Variants in ZMIZ1 observed in about 807,000 individuals in gnomAD.
The protein encoded by ZMIZ1 is zinc finger MIZ domain-containing protein 1.
In ZMIZ1, 17 loss-of-function variants were observed where a neutral mutation model predicts 113.9. The observed-to-expected ratio is 0.15, with a 90% CI of 0.10 to 0.22. The LOEUF is 0.22. Ranked by LOEUF, ZMIZ1 falls within the 10% of genes least tolerant of loss-of-function variation. ZMIZ1 has a pLI of 1.00. For synonymous variants in ZMIZ1, 607 were observed against 603.1 expected, an observed-to-expected ratio of 1.01 and a Z score of -0.09; for missense variants, 1,059 against 1,477.8, an observed-to-expected ratio of 0.72 and a Z score of 4.65.
At chr10:79,080,654 C>T (rs915297838) in intron 1 of ZMIZ1, among the ~76,000 whole-genome samples, 1 of 152,142 alleles carries the variant, frequency 6.6e-6, no homozygotes, top group Non-Finnish European at 1.5e-5. Context: ...GGCTGTGAAG[C>T]TGTGAGTTTG....
At chr10:79,308,258 C>T (rs1481431426) in intron 23 of ZMIZ1, among the ~76,000 whole-genome samples, 2 of 152,186 alleles carry the variant, frequency 1.3e-5, no homozygotes, top group East Asian at 1.9e-4. Flanking sequence ...CTGTGCTCTG[C>T]GCAGGCCATG....
At chr10:79,147,484 G>C (rs1432658835) in intron 3 of ZMIZ1, among the ~76,000 whole-genome samples, 1 of 152,188 alleles carries the variant, frequency 6.6e-6, no homozygotes, top group Non-Finnish European at 1.5e-5. Flanking sequence ...GGCCTCCCGT[G>C]TGCATCCATC....
intron 4 of ZMIZ1, among the ~76,000 whole-genome samples, chr10:79,171,990 C>T (rs1281935461): frequency 6.6e-6 from 1 of 152,186 alleles, no homozygotes. Context: ...AGTAGGCACT[C>T]AATAAATGCT....
intron 7 of ZMIZ1, among the ~76,000 whole-genome samples, chr10:79,274,889 C>A (rs111898366): frequency 0.021 from 3,183 of 152,306 alleles, 50 homozygotes; most frequent in South Asian, 0.054. Flanking sequence ...TGGAGGAAAG[C>A]CCTGATTCCC....
chr10:79,203,988 A>G (rs1290950498), intron 5 of ZMIZ1, among the ~76,000 whole-genome samples: 3 of 151,902 alleles, frequency 2.0e-5, no homozygotes, highest in African/African-American at 4.8e-5. Flanking sequence ...AGAGCTCCCT[A>G]CGTGCTCCAT....
intron 2 of ZMIZ1, among the ~76,000 whole-genome samples, chr10:79,123,408 G>A (rs1844381625): frequency 6.6e-6 from 1 of 152,180 alleles, no homozygotes; most frequent in African/African-American, 2.4e-5. Context: ...ATTCAACGAA[G>A]TAAGCCATGG....
chr10:79,256,555 C>T (rs1850916160), intron 7 of ZMIZ1, among the ~76,000 whole-genome samples: 2 of 152,230 alleles, frequency 1.3e-5, no homozygotes, highest in Non-Finnish European at 2.9e-5. Context: ...TGCCGGTGCC[C>T]CTGCAGCACA....
chr10:79,103,004 G>A (rs1453142776), intron 1 of ZMIZ1, among the ~76,000 whole-genome samples: 11 of 152,228 alleles, frequency 7.2e-5, no homozygotes. Context: ...CAGAAGGACA[G>A]TAATCAGCTC....
intron 4 of ZMIZ1, among the ~76,000 whole-genome samples, chr10:79,198,894 C>T (rs1371481415): frequency 1.3e-5 from 2 of 152,028 alleles, no homozygotes; most frequent in African/African-American, 2.4e-5. Flanking sequence ...ATTAGCCAGG[C>T]GTGGTGGCAG....
At chr10:79,129,655 G>A (rs1215294738) in intron 2 of ZMIZ1, among the ~76,000 whole-genome samples, 1 of 152,198 alleles carries the variant, frequency 6.6e-6, no homozygotes, top group South Asian at 2.1e-4. Context: ...ACTCTGAGCT[G>A]CCCCTCACCA....
intron 1 of ZMIZ1, among the ~76,000 whole-genome samples, chr10:79,100,970 T>C (rs1429672649): frequency 6.6e-6 from 1 of 152,138 alleles, no homozygotes; most frequent in East Asian, 1.9e-4. Context: ...GGCTGAAAAC[T>C]GCAGGTCTGA....
At chr10:79,077,133 C>A (rs911793241) in intron 1 of ZMIZ1, among the ~76,000 whole-genome samples, 2 of 152,172 alleles carry the variant, frequency 1.3e-5, no homozygotes, top group Non-Finnish European at 2.9e-5. Flanking sequence ...CTAGGAAGAG[C>A]CAGCTAGGCT....
chr10:79,164,644 T>A (rs966754519), intron 4 of ZMIZ1, among the ~76,000 whole-genome samples: 12 of 152,224 alleles, frequency 7.9e-5, no homozygotes, highest in Non-Finnish European at 2.9e-5. Context: ...AACCATGCTA[T>A]CTCTTCAGCA....
intron 7 of ZMIZ1, among the ~76,000 whole-genome samples, chr10:79,262,062 G>T (rs1265778821): frequency 6.6e-6 from 1 of 152,214 alleles, no homozygotes; most frequent in African/African-American, 2.4e-5. Context: ...CCAAGCACAT[G>T]CTTCTGCTGG....
intron 7 of ZMIZ1, among the ~76,000 whole-genome samples, chr10:79,268,213 G>A (rs562768226): frequency 3.9e-4 from 60 of 152,336 alleles, no homozygotes; most frequent in African/African-American, 1.2e-3. Flanking sequence ...TGGCCCCCAC[G>A]CTGTATGAAC....
In ZMIZ1 at chr10:79,304,866, A is replaced by G. The variant is rs559917105; in HGVS notation, c.2287-298A>G. Reference sequence around the variant, plus strand: ...ACCCCTGGCCTGGTTGAAAGGGGCTATTACAGGGCAAAAAACAGTGAGTCA... The same window carrying G: ...ACCCCTGGCCTGGTTGAAAGGGGCTGTTACAGGGCAAAAAACAGTGAGTCA... On this transcript the variant is annotated intron_variant, in intron 19 of 24. Coordinates refer to ENST00000334512, the MANE Select transcript of ZMIZ1 (RefSeq NM_020338.4). Among the ~76,000 whole-genome samples the G allele has an allele frequency of 3.3e-5, 5 of 152,252 alleles. No individual in the cohort carries two copies. The South Asian group carries it at 8.3e-4, about 25-fold the overall frequency.
At chr10:79,280,695 T>G (rs1373838225) in intron 8 of ZMIZ1, among the ~76,000 whole-genome samples, 1 of 151,764 alleles carries the variant, frequency 6.6e-6, no homozygotes, top group Non-Finnish European at 1.5e-5. Flanking sequence ...CACCCCATTC[T>G]TCTGATGACT....
chr10:79,171,358 A>G (rs1177486401), intron 4 of ZMIZ1, among the ~76,000 whole-genome samples: 2 of 152,206 alleles, frequency 1.3e-5, no homozygotes, highest in African/African-American at 4.8e-5. Flanking sequence ...CGCTCAGAGG[A>G]TGCCGGGGGC....
At chr10:79,239,591 G>A (rs939786620) in intron 7 of ZMIZ1, among the ~76,000 whole-genome samples, 4 of 152,146 alleles carry the variant, frequency 2.6e-5, no homozygotes, top group Non-Finnish European at 5.9e-5. Context: ...CAGCAGAGCC[G>A]TCCCTGGCTT....
Sources: gnomAD v4.1 joint callset for allele counts (sites outside exome capture counted in the v4.1 genomes callset) on GRCh38, gnomAD v4.1.1 for gene constraint, MANE v1.5 for transcripts, NCBI Gene and HGNC (gene_info 2026-07-23, HGNC 2026-07-21) for gene names.